Variants in CUBN observed in about 807,000 individuals in gnomAD.
CUBN encodes 460 kDa receptor.
In CUBN, 282 loss-of-function variants were observed where a neutral mutation model predicts 405.3. The observed-to-expected ratio is 0.70, with a 90% confidence interval of 0.63 to 0.77. CUBN has a LOEUF of 0.77. Among genes scored for constraint, CUBN ranks in the 30% least tolerant of loss-of-function variants. The pLI is 0.00. For missense variants in CUBN, 4,514 were observed against 4,475.2 expected, an observed-to-expected ratio of 1.01 and a Z score of -0.25; for synonymous variants, 1,684 against 1,617.0, an observed-to-expected ratio of 1.04 and a Z score of -0.99.
chr10:17,107,213 T>C (rs528002816), intron 10 of CUBN, among the ~76,000 whole-genome samples: 21 of 152,226 alleles, frequency 1.4e-4, no homozygotes, highest in Non-Finnish European at 2.4e-4. Flanking sequence ...ATACTCGTCA[T>C]AGACATTACA....
At position 16,900,859 on chromosome 10, in the gene CUBN, G is replaced by GA; in HGVS notation, c.8185-10dup. Reference sequence around the variant, plus strand: ...AAGTCACTAAATGTGAGCTGCAGGAGAAAAAAGAAAATGGTTGTCAGTGAG... The same window carrying GA: ...AAGTCACTAAATGTGAGCTGCAGGAGAAAAAAAGAAAATGGTTGTCAGTGAG... On this transcript the variant is annotated splice_polypyrimidine_tract_variant and intron_variant, in intron 52 of 66. Coordinates refer to ENST00000377833, the MANE Select transcript of CUBN (RefSeq NM_001081.4). The GA allele has an allele frequency of 1.3e-6, 2 of 1,589,176 alleles. No homozygotes were observed. Among genetic ancestry groups the GA allele is most frequent in the Non-Finnish European group, 1.7e-6 (2 of 1,160,068 alleles).
Position 16,916,140 on chromosome 10 carries a change from AGGTGCCAAGT to A in CUBN, c.7001-120_7001-111del, listed in dbSNP as rs1841878118. 15 of 988,710 alleles carry A rather than the reference AGGTGCCAAGT, an allele frequency of 1.5e-5. No individual in the cohort carries two copies. In the South Asian group the frequency reaches 2.2e-4, roughly 15 times the overall value. The allele number at this position is 988,710 out of a possible 1,614,324, so 61.2% of individuals were successfully genotyped here. A position where few individuals can be genotyped will look rare whatever the true frequency, so the allele number is the denominator to read the frequency against. ...TTCACCAGCACATTTGAAAACTTTT[AGGTGCCAAGT>A]GACTCTGAATTGAAGTTTTAAAAAT... On this transcript the variant is annotated intron_variant, in intron 45 of 66. Coordinates refer to ENST00000377833, the MANE Select transcript of CUBN (RefSeq NM_001081.4).
At chr10:16,939,987 G>A (rs1842609143) in intron 37 of CUBN, 45 bp downstream of exon 37, 1 of 1,414,308 alleles carries the variant, frequency 7.1e-7, no homozygotes, top group Non-Finnish European at 1.0e-6. Context: ...TTTCTAGTTT[G>A]TAAGACATAT....
chr10:17,013,623 G>A (rs1834247939), intron 28 of CUBN, among the ~76,000 whole-genome samples: 3 of 152,302 alleles, frequency 2.0e-5, no homozygotes, highest in Admixed American at 6.5e-5. Context: ...ATCCCCCAGA[G>A]GTTAGGAACT....
Position 17,088,185 on chromosome 10 carries a change from G to T in CUBN, c.1926C>A (p.Asp642Glu). The T allele has an allele frequency of 6.2e-7, 1 of 1,613,156 alleles. No homozygotes were observed. Among genetic ancestry groups the T allele is most frequent in the Non-Finnish European group, 8.5e-7 (1 of 1,179,176 alleles). ...FGTLSLEHHDDCNKDYLEIRD... is the reference protein window; with the variant it reads ...FGTLSLEHHDECNKDYLEIRD... ...TTACCTCAAGGTAATCTTTGTTGCA[G>T]TCATCATGGTGCTCGAGGCTCAAGG... Residue 642 changes from aspartate to glutamate, a missense_variant, in exon 15 of 67, where the codon GAC becomes GAA. By Grantham distance (45) the Asp-to-Glu change is conservative. This residue lies in a region of CUBN where 1,448 missense variants were observed against 1,388.0 expected (regional missense o/e 1.04). Coordinates refer to ENST00000377833, the MANE Select transcript of CUBN (RefSeq NM_001081.4).
Position 16,883,671 on chromosome 10 carries a change from C to T in CUBN, c.8905+4746G>A, listed in dbSNP as rs142123208. On this transcript the variant is annotated intron_variant, in intron 56 of 66. Coordinates refer to ENST00000377833, the MANE Select transcript of CUBN (RefSeq NM_001081.4). ...CTTTCTATTAGATATAACCCATAAACTGGGACTTCAGTTAATCCAAGAGAA... is the reference window on the plus strand; with the variant it reads ...CTTTCTATTAGATATAACCCATAAATTGGGACTTCAGTTAATCCAAGAGAA... Among the ~76,000 whole-genome samples the T allele has an allele frequency of 8.4e-3, 1,271 of 152,200 alleles. 19 individuals carry two copies. Among genetic ancestry groups the T allele is most frequent in the African/African-American group, 0.029 (1,184 of 41,514 alleles).
At chr10:16,930,501 A>G (rs894792205) in intron 40 of CUBN, among the ~76,000 whole-genome samples, 5 of 152,372 alleles carry the variant, frequency 3.3e-5, no homozygotes, top group East Asian at 1.9e-4. Context: ...ATCTAAGGTC[A>G]TGAAGAAAGT....
At chr10:17,075,073 C>CTTTTCTT (rs1564505109) in intron 17 of CUBN, among the ~76,000 whole-genome samples, 1 of 65,328 alleles carries the variant, frequency 1.5e-5, no homozygotes, top group Non-Finnish European at 2.9e-5. Flanking sequence ...TCTTTGTTTT[C>CTTTTCTT]TTTTTTTTTT....
chr10:16,999,909 G>A (rs1048649647), intron 28 of CUBN, among the ~76,000 whole-genome samples: 1 of 152,152 alleles, frequency 6.6e-6, no homozygotes, highest in East Asian at 1.9e-4. Context: ...TCTGCAGGGA[G>A]AGGACTCCAC....
At chr10:16,951,949 C>T (rs1463217054) in intron 33 of CUBN, among the ~76,000 whole-genome samples, 1 of 152,182 alleles carries the variant, frequency 6.6e-6, no homozygotes, top group African/African-American at 2.4e-5. Context: ...GGTTTACCCC[C>T]AATCTCATAC....
At chr10:16,967,991 A>AAGAGAG (rs3047254) in intron 31 of CUBN, among the ~76,000 whole-genome samples, 10 of 145,268 alleles carry the variant, frequency 6.9e-5, no homozygotes, top group African/African-American at 2.6e-4. Context: ...GAGAGAGGAA[A>AAGAGAG]AGAGAGAGAG....
chr10:16,913,679 T>C (rs1841796342), intron 48 of CUBN, 132 bp downstream of exon 48: 8 of 1,018,102 alleles, frequency 7.9e-6, no homozygotes, highest in East Asian at 2.4e-5. Context: ...CTTTCAACAA[T>C]ACTTAGAATT....
At chr10:16,913,697 G>A (rs1195523067) in intron 48 of CUBN, 114 bp downstream of exon 48, 1 of 1,162,352 alleles carries the variant, frequency 8.6e-7, no homozygotes, top group Non-Finnish European at 1.3e-6. Flanking sequence ...ATTTGTCTGA[G>A]TTATAGTTGC....
intron 28 of CUBN, among the ~76,000 whole-genome samples, chr10:17,005,060 C>G (rs978256977): frequency 1.3e-5 from 2 of 152,148 alleles, no homozygotes; most frequent in Non-Finnish European, 2.9e-5. Context: ...TTGGGCATCC[C>G]TCTACTTGCC....
chr10:16,915,690 G>T, intron 46 of CUBN, 131 bp downstream of exon 46: 2 of 783,686 alleles, frequency 2.6e-6, no homozygotes, highest in Non-Finnish European at 4.4e-6. Flanking sequence ...ACTGCCCAAA[G>T]CTCATTAGTC....
At chr10:17,069,009 C>A (rs930143306) in intron 19 of CUBN, among the ~76,000 whole-genome samples, 2 of 152,110 alleles carry the variant, frequency 1.3e-5, no homozygotes, top group African/African-American at 4.8e-5. Context: ...GTAGATTGCC[C>A]ATTTTGGACA....
chr10:16,868,725 C>A (rs1220581465), intron 59 of CUBN, among the ~76,000 whole-genome samples: 1 of 152,074 alleles, frequency 6.6e-6, no homozygotes, highest in East Asian at 1.9e-4. Context: ...TGGGAGTAAT[C>A]TGGGGCATAT....
intron 22 of CUBN, among the ~76,000 whole-genome samples, chr10:17,052,167 A>T (rs912632255): frequency 2.6e-5 from 4 of 152,198 alleles, no homozygotes; most frequent in Non-Finnish European, 5.9e-5. Flanking sequence ...TGAGATGGGG[A>T]AAACAGGTTT....
chr10:16,840,928 T>C lies in CUBN; in HGVS notation c.9783A>G (p.Thr3261=). ...TAGCATTAAATCCTTCCCTCTCTAA[T>C]GTTAAGTCACTGATGAATTGAACCG... The part of the protein sequence containing the change: ...FLTVQFISDL[T]LEREGFNATY... The change falls in exon 61 of 67, where the codon ACA becomes ACG. Residue 3261 remains threonine (T), a synonymous_variant. Transcript: ENST00000377833. The C allele has an allele frequency of 1.2e-6, 2 of 1,613,556 alleles. No homozygotes were observed. The highest frequency in any genetic ancestry group is 8.5e-7 in the Non-Finnish European group (1 of 1,179,698).
Sources: allele counts gnomAD v4.1 joint callset (sites outside exome capture counted in the v4.1 genomes callset), GRCh38; gene constraint gnomAD v4.1.1; regional missense constraint gnomAD v4.1.1; transcripts MANE v1.5; gene names NCBI Gene and HGNC (gene_info 2026-07-23, HGNC 2026-07-21).